Variants in CDYL observed in about 807,000 individuals in gnomAD.
CDYL encodes the protein chromodomain Y-like protein.
A neutral mutation model predicts 47.3 loss-of-function variants in CDYL; 8 were observed. The ratio of observed to expected loss-of-function variants is 0.17; its 90% CI spans 0.10 to 0.31. The LOEUF (loss-of-function observed/expected upper bound fraction) is 0.31, where lower values mean the gene tolerates loss of function less well. CDYL is among the 10% of genes least tolerant of loss of function. CDYL has a pLI of 1.00. For missense variants in CDYL, 471 were observed against 701.4 expected (o/e 0.67, Z 3.71); for synonymous variants, 266 against 265.0 (o/e 1.00, Z -0.04).
At chr6:4,901,630 T>G (rs1039533500) in intron 2 of CDYL, among the ~76,000 whole-genome samples, 51 of 152,228 alleles carry the variant, frequency 3.4e-4, no homozygotes, top group African/African-American at 1.1e-3. Context: ...CGTTAGAACC[T>G]ACTCCTGACT....
intron 4 of CDYL, among the ~76,000 whole-genome samples, chr6:4,942,154 T>G (rs1461866725): frequency 1.3e-5 from 2 of 152,216 alleles, no homozygotes; most frequent in African/African-American, 2.4e-5. Flanking sequence ...GCTCTCTCAT[T>G]TAGAAAGACT....
chr6:4,848,962 C>T (rs1760744366), intron 1 of CDYL, among the ~76,000 whole-genome samples: 1 of 152,294 alleles, frequency 6.6e-6, no homozygotes, highest in African/African-American at 2.4e-5. Flanking sequence ...TCTAAACATT[C>T]TTTGCATAAC....
At chr6:4,929,201 G>A (rs1757962577) in intron 2 of CDYL, among the ~76,000 whole-genome samples, 3 of 151,676 alleles carry the variant, frequency 2.0e-5, no homozygotes, top group Admixed American at 2.0e-4. Flanking sequence ...CATTTATGCT[G>A]CATTTGTGCT....
At chr6:4,787,193 A>C (rs1032603158) in intron 1 of CDYL, among the ~76,000 whole-genome samples, 1 of 152,196 alleles carries the variant, frequency 6.6e-6, no homozygotes, top group South Asian at 2.1e-4. Context: ...ACTTAAAGCA[A>C]GAGGCGAGTG....
At chr6:4,930,115 A>G (rs1307209061) in intron 2 of CDYL, among the ~76,000 whole-genome samples, 4 of 152,178 alleles carry the variant, frequency 2.6e-5, no homozygotes, top group African/African-American at 4.8e-5. Context: ...TCTCTACTGA[A>G]TGCCTCATGT....
chr6:4,927,395 A>G (rs528473419), intron 2 of CDYL, among the ~76,000 whole-genome samples: 62 of 141,406 alleles, frequency 4.4e-4, no homozygotes, highest in African/African-American at 1.3e-3. Flanking sequence ...TTTATGTTTT[A>G]GTGTTTTCAT....
chr6:4,834,284 C>G (rs1324224456), intron 1 of CDYL, among the ~76,000 whole-genome samples: 5 of 151,908 alleles, frequency 3.3e-5, no homozygotes, highest in South Asian at 2.1e-4. Context: ...GACAAAATCT[C>G]TCAGCATTTG....
At chr6:4,786,400 ACT>A (rs1758758033) in intron 1 of CDYL, among the ~76,000 whole-genome samples, 1 of 151,470 alleles carries the variant, frequency 6.6e-6, no homozygotes, top group Non-Finnish European at 1.5e-5. Context: ...GTGTGTGTGT[ACT>A]CTGGCTTCAG....
At chr6:4,844,577 T>G (rs942280924) in intron 1 of CDYL, among the ~76,000 whole-genome samples, 1 of 152,208 alleles carries the variant, frequency 6.6e-6, no homozygotes, top group Admixed American at 6.5e-5. Flanking sequence ...TCTGCCATTT[T>G]CCTTGTGACT....
At chr6:4,937,066 A>G (rs568742045) in intron 3 of CDYL, among the ~76,000 whole-genome samples, 6 of 152,224 alleles carry the variant, frequency 3.9e-5, no homozygotes, top group Non-Finnish European at 8.8e-5. Context: ...CAGTAATAAA[A>G]TGCTTTTAGG....
At chr6:4,866,455 A>G (rs913920248) in intron 1 of CDYL, among the ~76,000 whole-genome samples, 7 of 152,166 alleles carry the variant, frequency 4.6e-5, no homozygotes, top group African/African-American at 1.7e-4. Context: ...TATTTTTAAA[A>G]GACTACAAAC....
intron 5 of CDYL, among the ~76,000 whole-genome samples, chr6:4,945,239 A>G (rs1758476813): frequency 6.6e-6 from 1 of 152,160 alleles, no homozygotes; most frequent in Admixed American, 6.5e-5. Flanking sequence ...GTTATGTGAC[A>G]TTTTTTAACC....
chr6:4,786,925 ACTC>A (rs1758771363), intron 1 of CDYL, among the ~76,000 whole-genome samples: 1 of 151,750 alleles, frequency 6.6e-6, no homozygotes, highest in African/African-American at 2.4e-5. Flanking sequence ...TTGAGGCTTC[ACTC>A]CTCCTGTCCT....
chr6:4,857,087 G>A (rs889228798), intron 1 of CDYL, among the ~76,000 whole-genome samples: 8 of 152,148 alleles, frequency 5.3e-5, no homozygotes, highest in African/African-American at 1.2e-4. Context: ...ATAGTTTGTG[G>A]CCTTTTACAA....
chr6:4,939,978 G>A lies in CDYL; in HGVS notation c.1121+2241G>A, dbSNP rs1314528426. On this transcript the variant is annotated intron_variant, in intron 4 of 6. Transcript: ENST00000397588. ...TTTCCCTGGCTCCACTTGTGAGCCC[G>A]CTGGTGCCTCGCCGGGTGCAGCTCA... Among the ~76,000 whole-genome samples the A allele has an allele frequency of 2.0e-5, 3 of 151,356 alleles. 1 individual carries two copies. Among genetic ancestry groups the A allele is most frequent in the Non-Finnish European group, 1.5e-5 (1 of 67,644 alleles).
At chr6:4,783,053 C>T (rs1280531292) in intron 1 of CDYL, among the ~76,000 whole-genome samples, 1 of 152,080 alleles carries the variant, frequency 6.6e-6, no homozygotes, top group African/African-American at 2.4e-5. Context: ...TTTCTTATTG[C>T]CCATGAAAAA....
chr6:4,949,505 C>T (rs572713455), intron 5 of CDYL, among the ~76,000 whole-genome samples: 3 of 152,312 alleles, frequency 2.0e-5, no homozygotes, highest in East Asian at 1.9e-4. Context: ...TAACTTTCCT[C>T]GGCATTTCCC....
chr6:4,799,268 C>T (rs1759158657), intron 1 of CDYL, among the ~76,000 whole-genome samples: 1 of 152,092 alleles, frequency 6.6e-6, no homozygotes, highest in Non-Finnish European at 1.5e-5. Context: ...AGCACATTTC[C>T]TATAAGATTT....
In CDYL at chr6:4,892,207, G is replaced by A. The variant is rs760257018; in HGVS notation, c.519G>A (p.Gln173=). 15 of 1,614,146 alleles carry A rather than the reference G, an allele frequency of 9.3e-6. No individual in the cohort carries two copies. The highest frequency in any genetic ancestry group is 1.3e-5 in the Non-Finnish European group (15 of 1,180,054). The change falls in exon 2 of 7, where the codon CAG becomes CAA. Residue 173 remains glutamine, a synonymous_variant. Transcript: ENST00000397588. ...AACTGGACCCCGTCGAGCAGGGTCA[G>A]GAGGACACAGTGGCACCCGAAGTGG... ...PEKLDPVEQG[Q]EDTVAPEVAA...
Sources: allele counts gnomAD v4.1 joint callset (sites outside exome capture counted in the v4.1 genomes callset), GRCh38; gene constraint gnomAD v4.1.1; transcripts MANE v1.5; gene names NCBI Gene and HGNC (gene_info 2026-07-23, HGNC 2026-07-21).